The following SYT7 variants were observed in gnomAD, a reference collection of about 807,000 sequenced individuals.
The protein encoded by SYT7 is synaptotagmin 7.
SYT7 carries 29 observed loss-of-function variants against 75.1 expected under a neutral mutation model. The ratio of observed to expected loss-of-function variants is 0.39; its 90% CI spans 0.29 to 0.53. The LOEUF (loss-of-function observed/expected upper bound fraction) is 0.53, where lower values mean the gene tolerates loss of function less well. SYT7 is among the 20% of genes least tolerant of loss of function. The pLI is 0.77. For synonymous variants in SYT7, 376 were observed against 401.7 expected, an observed-to-expected ratio of 0.94 and a Z score of 0.76; for missense variants, 693 against 953.2, an observed-to-expected ratio of 0.73 and a Z score of 3.59.
chr11:61,580,750 G>A lies in SYT7; in HGVS notation c.31+40C>T, dbSNP rs1212400465. The stretch of plus-strand genomic sequence containing the variant: ...GTCCGGCGCTGCCGCTGTCCTGCCC[G>A]CCGGTGCGGGGCGCCCCAGCCCGCC... On this transcript the variant is annotated intron_variant, in intron 1 of 12. Coordinates refer to ENST00000539008, the MANE Select transcript of SYT7 (RefSeq NM_001365809.2). The surrounding 1 kb of genome is among the most constrained non-coding windows in gnomAD (Gnocchi z 6.1). The A allele has an allele frequency of 5.0e-6, 6 of 1,210,752 alleles. No homozygotes were observed. The South Asian group carries it at 1.4e-4, about 28-fold the overall frequency. The allele number at this position is 1,210,752 out of a possible 1,614,324, so 75.0% of individuals were successfully genotyped here.
chr11:61,533,544 C>T, intron 7 of SYT7: 3 of 985,422 alleles, frequency 3.0e-6, no homozygotes, highest in South Asian at 9.4e-5. Context: ...GTCCAGGTGC[C>T]TCTCCGCGTC....
Position 61,518,379 on chromosome 11 carries a change from G to C in SYT7, c.*248C>G. The C allele has an allele frequency of 2.6e-6, 1 of 391,844 alleles. No homozygotes were observed. Among genetic ancestry groups the C allele is most frequent in the Non-Finnish European group, 4.5e-6 (1 of 219,974 alleles). 24.3% of individuals were successfully genotyped at this position (391,844 alleles called of 1,614,324 possible). On this transcript the variant is annotated 3_prime_UTR_variant, in exon 13 of 13. Coordinates refer to ENST00000539008, the MANE Select transcript of SYT7 (RefSeq NM_001365809.2). Reference sequence around the variant, plus strand: ...CCCCCAACTTCTTTAGTATTAGTAAGTCAGGAAGAAAAGGGGCAAAGCAGG... The same window carrying C: ...CCCCCAACTTCTTTAGTATTAGTAACTCAGGAAGAAAAGGGGCAAAGCAGG...
chr11:61,565,896 G>A (rs1829826350), intron 1 of SYT7, among the ~76,000 whole-genome samples: 1 of 152,290 alleles, frequency 6.6e-6, no homozygotes, highest in South Asian at 2.1e-4. Context: ...GCTAGGGAGA[G>A]TGCGCTGGCT....
At chr11:61,522,176 T>G (rs1221804122) in intron 12 of SYT7, among the ~76,000 whole-genome samples, 4 of 150,094 alleles carry the variant, frequency 2.7e-5, no homozygotes, top group Non-Finnish European at 5.9e-5. Context: ...TTACGTGATA[T>G]GAAGAGATCA....
rs529833746 is a variant in SYT7 at position 61,518,552 on chromosome 11, G to C, written c.*75C>G. ...CTCCCTATGGCAGGGGGCTCAGGCCGGGCGTTGTGCATAAAGTGGTGAGGG... is the reference window on the plus strand; with the variant it reads ...CTCCCTATGGCAGGGGGCTCAGGCCCGGCGTTGTGCATAAAGTGGTGAGGG... On this transcript the variant is annotated 3_prime_UTR_variant, in exon 13 of 13. Coordinates refer to ENST00000539008, the MANE Select transcript of SYT7 (RefSeq NM_001365809.2). 2 of 1,102,462 alleles carry C rather than the reference G, an allele frequency of 1.8e-6. No individual in the cohort carries two copies. The highest frequency in any genetic ancestry group is 3.2e-5 in the African/African-American group (2 of 62,636). The allele number at this position is 1,102,462 out of a possible 1,614,324, so 68.3% of individuals were successfully genotyped here. A position where few individuals can be genotyped will look rare whatever the true frequency, so the allele number is the denominator to read the frequency against.
chr11:61,523,002 C>T lies in SYT7; in HGVS notation c.1956+73G>A. ...GTCCAGCCTGTGCCCGTCCACTACC[C>T]CCGCTGCTTCTTTTAAGGAACGGAG... On this transcript the variant is annotated intron_variant, in intron 12 of 12. Coordinates refer to ENST00000539008, the MANE Select transcript of SYT7 (RefSeq NM_001365809.2). This position sits in a 1 kb window ranked among gnomAD's most constrained non-coding sequence, Gnocchi z 5.0. The T allele has an allele frequency of 6.6e-7, 1 of 1,509,152 alleles. No homozygotes were observed. The highest frequency in any genetic ancestry group is 9.2e-7 in the Non-Finnish European group (1 of 1,087,996). 93.5% of individuals were successfully genotyped at this position (1,509,152 alleles called of 1,614,324 possible).
chr11:61,541,388 A>C, intron 6 of SYT7: 2 of 682,114 alleles, frequency 2.9e-6, no homozygotes, highest in Non-Finnish European at 3.5e-6. Context: ...TGGGGGGCAG[A>C]TGTCCAGAGA....
At chr11:61,564,580 G>A (rs550390344) in intron 1 of SYT7, among the ~76,000 whole-genome samples, 1 of 152,306 alleles carries the variant, frequency 6.6e-6, no homozygotes, top group Admixed American at 6.5e-5. Flanking sequence ...GATTAGACTG[G>A]AGGTCTATAA....
Position 61,551,540 on chromosome 11 carries a change from G to A in SYT7, c.136-77C>T. On this transcript the variant is annotated intron_variant, in intron 2 of 12. Transcript: ENST00000539008. This position sits in a 1 kb window ranked among gnomAD's most constrained non-coding sequence, Gnocchi z 5.3. ...TACCTCCCCAGAACAGGGACCCGGA[G>A]GGGAAGGAGATAGACTGGAGTCGGG... 2.0e-6 allele frequency: 3 copies of A among 1,466,170 alleles called. No individual in the cohort carries two copies. The highest frequency in any genetic ancestry group is 2.3e-5 in the East Asian group (1 of 43,978). The allele number at this position is 1,466,170 out of a possible 1,614,324, so 90.8% of individuals were successfully genotyped here.
chr11:61,564,334 C>T (rs1448484486), intron 1 of SYT7, among the ~76,000 whole-genome samples: 1 of 152,238 alleles, frequency 6.6e-6, no homozygotes, highest in African/African-American at 2.4e-5. Flanking sequence ...CCAACCTAGA[C>T]TGCTTCTGCT....
intron 7 of SYT7, among the ~76,000 whole-genome samples, chr11:61,534,656 C>G (rs1012328120): frequency 5.3e-5 from 8 of 152,222 alleles, no homozygotes; most frequent in African/African-American, 1.7e-4. Flanking sequence ...GGGAGACAAA[C>G]TGAAACGGAA....
chr11:61,550,265 T>C (rs1227817638), intron 3 of SYT7, among the ~76,000 whole-genome samples: 1 of 149,972 alleles, frequency 6.7e-6, no homozygotes, highest in Non-Finnish European at 1.5e-5. Context: ...ACAGGATCAG[T>C]GCAAGAGATG....
intron 5 of SYT7, among the ~76,000 whole-genome samples, chr11:61,544,794 G>T (rs900565872): frequency 1.3e-4 from 20 of 152,208 alleles, no homozygotes; most frequent in Non-Finnish European, 2.5e-4. Context: ...CTGAAGGGGT[G>T]TGTGGCTTCC....
rs775879668 is a variant in SYT7, at chr11:61,532,970, C to T, written c.1200+19G>A. The T allele has an allele frequency of 1.9e-6, 3 of 1,612,004 alleles. No homozygotes were observed. The highest frequency in any genetic ancestry group is 2.5e-6 in the Non-Finnish European group (3 of 1,179,924). On this transcript the variant is annotated intron_variant, in intron 8 of 12. Transcript: ENST00000539008. The stretch of plus-strand genomic sequence containing the variant: ...CCCAGCCCAGTTCCTTGGAGCAGCG[C>T]AGGCTCCCTCATTCTCACCATGAGC...
At chr11:61,573,444 G>C (rs1220834117) in intron 1 of SYT7, among the ~76,000 whole-genome samples, 2 of 152,196 alleles carry the variant, frequency 1.3e-5, no homozygotes, top group Admixed American at 1.3e-4. Flanking sequence ...TCTCCTGGCA[G>C]AGGTAGGGAC....
chr11:61,568,302 CAAAACAAAT>C (rs2063830295), intron 1 of SYT7, among the ~76,000 whole-genome samples: 2 of 152,288 alleles, frequency 1.3e-5, no homozygotes, highest in Middle Eastern at 6.8e-3. Context: ...AAACAAAAAG[CAAAACAAAT>C]AATACCACGT....
intron 8 of SYT7, among the ~76,000 whole-genome samples, chr11:61,532,288 G>T (rs965672240): frequency 3.3e-5 from 5 of 152,184 alleles, no homozygotes; most frequent in African/African-American, 4.8e-5. Flanking sequence ...TCCCTCCAGG[G>T]CCTCTTTGGA....
intron 9 of SYT7, among the ~76,000 whole-genome samples, chr11:61,526,787 G>A (rs1052555503): frequency 6.6e-6 from 1 of 152,174 alleles, no homozygotes; most frequent in African/African-American, 2.4e-5. Context: ...AAAGGAGGGC[G>A]TCCAGAAACA....
At chr11:61,572,925 A>C (rs940999932) in intron 1 of SYT7, among the ~76,000 whole-genome samples, 3 of 152,206 alleles carry the variant, frequency 2.0e-5, no homozygotes, top group Non-Finnish European at 4.4e-5. Context: ...TCATGTGTGC[A>C]TACATACCCA....
Sources: allele counts gnomAD v4.1 joint callset (sites outside exome capture counted in the v4.1 genomes callset), GRCh38; gene constraint gnomAD v4.1.1; non-coding constraint Gnocchi (gnomAD v3.1); transcripts MANE v1.5; gene names NCBI Gene and HGNC (gene_info 2026-07-23, HGNC 2026-07-21).